Variants in FAM149B1 observed in about 807,000 individuals in gnomAD.
The protein encoded by FAM149B1 is family with sequence similarity 149 member B1, also known as primary cilium assembly protein FAM149B1.
FAM149B1 carries 56 observed loss-of-function variants against 75.3 expected under a neutral mutation model. That is an observed-to-expected ratio of 0.74 (90% confidence interval 0.60 to 0.93). The LOEUF (loss-of-function observed/expected upper bound fraction) is 0.93, where lower values mean the gene tolerates loss of function less well. FAM149B1 is among the 40% of genes least tolerant of loss of function. The pLI is 0.00. For synonymous variants in FAM149B1, 259 were observed against 256.1 expected (o/e 1.01, Z -0.11); for missense variants, 639 against 708.4 (o/e 0.90, Z 1.11).
chr10:73,203,595 T>C (rs2042987183), intron 5 of FAM149B1, among the ~76,000 whole-genome samples: 1 of 152,112 alleles, frequency 6.6e-6, no homozygotes, highest in Admixed American at 6.6e-5. Context: ...TTTGAAACAG[T>C]TGGGCTAGTT....
intron 7 of FAM149B1, among the ~76,000 whole-genome samples, chr10:73,220,710 A>G (rs2043393181): frequency 6.6e-6 from 1 of 152,136 alleles, no homozygotes; most frequent in African/African-American, 2.4e-5. Flanking sequence ...GTGTCCTTGT[A>G]AGAAGAGGAA....
chr10:73,215,833 G>C (rs1412397885), intron 7 of FAM149B1, among the ~76,000 whole-genome samples: 4 of 152,072 alleles, frequency 2.6e-5, no homozygotes, highest in African/African-American at 9.7e-5. Context: ...CCTAATATTT[G>C]GTCTGTCTTG....
At chr10:73,200,521 CT>C (rs2042909839) in intron 5 of FAM149B1, 2 of 697,484 alleles carry the variant, frequency 2.9e-6, no homozygotes, top group Non-Finnish European at 4.9e-6. Context: ...CAGAAGATAC[CT>C]TTTTTCCAAA....
At chr10:73,187,199 TAAA>T (rs1197063893) in intron 3 of FAM149B1, among the ~76,000 whole-genome samples, 1 of 151,796 alleles carries the variant, frequency 6.6e-6, no homozygotes. Context: ...TGAGAGAAAT[TAAA>T]GAAGATCTAA....
chr10:73,211,528 CT>C (rs1419157942), intron 7 of FAM149B1, among the ~76,000 whole-genome samples: 3 of 152,138 alleles, frequency 2.0e-5, no homozygotes, highest in African/African-American at 4.8e-5. Context: ...GTCTCTGCCC[CT>C]GATTTCAGAT....
At chr10:73,201,767 A>G (rs1292364280) in intron 5 of FAM149B1, among the ~76,000 whole-genome samples, 2 of 152,174 alleles carry the variant, frequency 1.3e-5, no homozygotes, top group Non-Finnish European at 2.9e-5. Flanking sequence ...CCAGCAAGCA[A>G]TCATATCCTA....
Position 73,168,320 on chromosome 10 carries a change from G to C in FAM149B1, c.-20G>C, listed in dbSNP as rs1258127222. 6.5e-7 allele frequency: 1 copy of C among 1,547,198 alleles called. No homozygotes were observed. Among genetic ancestry groups the C allele is most frequent in the Admixed American group, 2.0e-5 (1 of 50,886 alleles). On this transcript the variant is annotated 5_prime_UTR_variant, in exon 1 of 14. Coordinates refer to ENST00000242505, the MANE Select transcript of FAM149B1 (RefSeq NM_173348.2). ...CCCCGGCCGCGGCTGAGGAGGAGGA[G>C]GAGGAGGAGGAGGAGGAGGATGATC...
intron 12 of FAM149B1, among the ~76,000 whole-genome samples, chr10:73,237,406 C>T (rs2043844831): frequency 6.6e-6 from 1 of 152,048 alleles, no homozygotes; most frequent in African/African-American, 2.4e-5. Flanking sequence ...TATTACACAG[C>T]TAGATTCTCT....
intron 4 of FAM149B1, 62 bp downstream of exon 4, chr10:73,192,760 TA>T (rs562300289): frequency 3.1e-4 from 426 of 1,367,342 alleles, no homozygotes; most frequent in Middle Eastern, 8.4e-4. Context: ...AAAGTAGATT[TA>T]AAAAAAAAGC....
At chr10:73,207,012 CAA>C (rs1203533226) in intron 5 of FAM149B1, among the ~76,000 whole-genome samples, 1 of 152,188 alleles carries the variant, frequency 6.6e-6, no homozygotes, top group Non-Finnish European at 1.5e-5. Context: ...ACACAGAGGG[CAA>C]AGAGTGAAGG....
chr10:73,174,978 C>T (rs573214946), intron 2 of FAM149B1, among the ~76,000 whole-genome samples, 187 bp downstream of exon 2: 1 of 152,086 alleles, frequency 6.6e-6, no homozygotes, highest in Non-Finnish European at 1.5e-5. Context: ...ATTTTCATAA[C>T]CTTTGAGAAG....
intron 5 of FAM149B1, among the ~76,000 whole-genome samples, chr10:73,208,174 T>C (rs1353737099): frequency 3.3e-5 from 5 of 152,224 alleles, no homozygotes; most frequent in African/African-American, 1.2e-4. Flanking sequence ...TTTAAAAGTG[T>C]GTGGCACCTC....
In FAM149B1 at chr10:73,233,142, A is replaced by C. The variant is rs1193813552; in HGVS notation, c.1331A>C (p.Glu444Ala). ...SCAETPRSVE[E>A]ILRGARVPVA... ...GCTGAAACACCAAGATCTGTGGAAG[A>C]AATCCTCAGAGGAGCCCGAGTGTAG... Residue 444 changes from glutamate (E) to alanine (A), a missense_variant, in exon 10 of 14, where the codon GAA becomes GCA. Physicochemically the swap from Glu to Ala is moderately radical, Grantham distance 107. Transcript: ENST00000242505. The C allele has an allele frequency of 1.9e-6, 3 of 1,551,380 alleles. No homozygotes were observed. Among genetic ancestry groups the C allele is most frequent in the Non-Finnish European group, 2.6e-6 (3 of 1,146,756 alleles).
chr10:73,235,011 T>C, intron 11 of FAM149B1, 71 bp downstream of exon 11: 2 of 1,516,798 alleles, frequency 1.3e-6, no homozygotes, highest in South Asian at 2.5e-5. Context: ...CTGCAGGATC[T>C]GTGCCCTGAT....
chr10:73,229,084 A>G (rs2043623590), intron 8 of FAM149B1, among the ~76,000 whole-genome samples: 1 of 152,202 alleles, frequency 6.6e-6, no homozygotes, highest in Non-Finnish European at 1.5e-5. Context: ...TAAACCAGGT[A>G]TAAAAATCAA....
chr10:73,241,916 G>A lies in FAM149B1; in HGVS notation c.*897G>A, dbSNP rs2043958600. 1 of 152,104 alleles carries A rather than the reference G, an allele frequency of 6.6e-6. No individual in the cohort carries two copies. The highest frequency in any genetic ancestry group is 2.4e-5 in the African/African-American group (1 of 41,418). 9.4% of individuals were successfully genotyped at this position (152,104 alleles called of 1,614,324 possible). ...AGGTTCAGCTTTCTGATTTTACTGT[G>A]GACCTTTTCCTAAGGGCATTCATGA... On this transcript the variant is annotated 3_prime_UTR_variant, in exon 14 of 14. Transcript: ENST00000242505.
chr10:73,175,460 G>A (rs2133299271), intron 2 of FAM149B1, among the ~76,000 whole-genome samples: 1 of 152,166 alleles, frequency 6.6e-6, no homozygotes, highest in African/African-American at 2.4e-5. Flanking sequence ...ACGAGGTCAG[G>A]AGATCGAAAC....
intron 2 of FAM149B1, among the ~76,000 whole-genome samples, chr10:73,175,885 A>C (rs1172530325): frequency 6.6e-6 from 1 of 152,108 alleles, no homozygotes; most frequent in Non-Finnish European, 1.5e-5. Context: ...ATCTTATAGC[A>C]GCAGTCCCCA....
At chr10:73,185,499 T>C (rs1265380153) in intron 3 of FAM149B1, among the ~76,000 whole-genome samples, 2 of 152,184 alleles carry the variant, frequency 1.3e-5, no homozygotes, top group Non-Finnish European at 1.5e-5. Flanking sequence ...CAGTGAGCCA[T>C]GATCACACTA....
Sources: allele counts gnomAD v4.1 joint callset (sites outside exome capture counted in the v4.1 genomes callset), GRCh38; gene constraint gnomAD v4.1.1; transcripts MANE v1.5; gene names NCBI Gene and HGNC (gene_info 2026-07-23, HGNC 2026-07-21).